ANGPT1: variants seen among roughly 807,000 people sequenced by gnomAD.
ANGPT1 encodes angiopoietin 1.
A neutral mutation model predicts 62.2 loss-of-function variants in ANGPT1; 17 were observed. The observed-to-expected ratio is 0.27, with a 90% CI of 0.19 to 0.41. The LOEUF (loss-of-function observed/expected upper bound fraction) is 0.41. Among genes scored for constraint, ANGPT1 ranks in the 10% least tolerant of loss-of-function variants. ANGPT1 has a pLI of 1.00. For missense variants in ANGPT1, 478 were observed against 594.9 expected (o/e 0.80, Z 2.04); for synonymous variants, 199 against 198.9 (o/e 1.00, Z 0.00).
intron 1 of ANGPT1, among the ~76,000 whole-genome samples, chr8:107,445,296 T>A (rs1586328326): frequency 1.3e-5 from 2 of 152,356 alleles, no homozygotes; most frequent in South Asian, 4.1e-4. Context: ...TAAATTTTAT[T>A]TCCAAAATCA....
At chr8:107,453,401 C>T (rs1436221690) in intron 1 of ANGPT1, among the ~76,000 whole-genome samples, 1 of 151,964 alleles carries the variant, frequency 6.6e-6, no homozygotes, top group East Asian at 1.9e-4. Context: ...CTGGGGAGGC[C>T]TCACAATTAT....
At chr8:107,313,644 T>A (rs1814938363) in intron 4 of ANGPT1, among the ~76,000 whole-genome samples, 2 of 151,230 alleles carry the variant, frequency 1.3e-5, no homozygotes, top group Non-Finnish European at 1.5e-5. Context: ...GGGATTTCAC[T>A]GTGTTAGCCA....
chr8:107,383,500 C>G (rs770588018), intron 1 of ANGPT1, among the ~76,000 whole-genome samples: 10 of 152,136 alleles, frequency 6.6e-5, no homozygotes, highest in Non-Finnish European at 1.3e-4. Context: ...ACATTTGTGG[C>G]AGCAAGTCAT....
At position 107,319,998 on chromosome 8, in the gene ANGPT1, A is replaced by G. The variant is rs532582550; in HGVS notation, c.808+1898T>C. ...TCAAGATTCATTTCAGAGTTTTGTCATTAAAAAGAAAAGATATCTAGAGGC... is the reference window on the plus strand; with the variant it reads ...TCAAGATTCATTTCAGAGTTTTGTCGTTAAAAAGAAAAGATATCTAGAGGC... On this transcript the variant is annotated intron_variant, in intron 4 of 8. Coordinates refer to ENST00000517746, the MANE Select transcript of ANGPT1 (RefSeq NM_001146.5). 9.2e-5 allele frequency among the ~76,000 whole-genome samples: 14 copies of G among 152,310 alleles called. No individual in the cohort carries two copies. In the East Asian group the frequency reaches 2.5e-3, roughly 27 times the overall value.
At chr8:107,480,576 T>C (rs1459212187) in intron 1 of ANGPT1, among the ~76,000 whole-genome samples, 1 of 152,232 alleles carries the variant, frequency 6.6e-6, no homozygotes, top group Non-Finnish European at 1.5e-5. Context: ...AATTTTTTCT[T>C]TGTTTATGCC....
intron 1 of ANGPT1, among the ~76,000 whole-genome samples, chr8:107,442,909 T>A (rs978924785): frequency 1.3e-5 from 2 of 152,192 alleles, no homozygotes; most frequent in African/African-American, 4.8e-5. Flanking sequence ...TCAGCTGCAC[T>A]TATATTTTTG....
chr8:107,478,303 C>T, intron 1 of ANGPT1, among the ~76,000 whole-genome samples: 1 of 150,782 alleles, frequency 6.6e-6, no homozygotes, highest in African/African-American at 2.4e-5. Flanking sequence ...AATCCCAGCA[C>T]TTTGGGAGGC....
chr8:107,293,624 AGG>A, intron 6 of ANGPT1, among the ~76,000 whole-genome samples: 1 of 152,278 alleles, frequency 6.6e-6, no homozygotes, highest in East Asian at 1.9e-4. Context: ...TCCCTTGGTC[AGG>A]CTCACGTATC....
intron 6 of ANGPT1, among the ~76,000 whole-genome samples, chr8:107,290,800 A>C (rs137889867): frequency 0.011 from 1,697 of 152,336 alleles, 20 homozygotes; most frequent in Middle Eastern, 0.02. Context: ...ACTCCATAAA[A>C]CATGATGATT....
chr8:107,339,529 C>G (rs1815649505), intron 2 of ANGPT1, among the ~76,000 whole-genome samples: 1 of 152,118 alleles, frequency 6.6e-6, no homozygotes, highest in South Asian at 2.1e-4. Flanking sequence ...TTCTGGCCAC[C>G]TTCTTTATAG....
intron 1 of ANGPT1, among the ~76,000 whole-genome samples, chr8:107,369,133 G>A (rs1816330203): frequency 6.6e-6 from 1 of 152,160 alleles, no homozygotes; most frequent in Non-Finnish European, 1.5e-5. Flanking sequence ...ACTATCATCA[G>A]TGATTTTATC....
intron 4 of ANGPT1, among the ~76,000 whole-genome samples, chr8:107,314,811 C>T (rs769978452): frequency 5.3e-5 from 8 of 152,130 alleles, no homozygotes; most frequent in South Asian, 2.1e-4. Flanking sequence ...ACCCAGTCAA[C>T]GAAACTGATA....
At position 107,366,884 on chromosome 8, in the gene ANGPT1, T is replaced by C. The variant is rs113854916; in HGVS notation, c.298-19787A>G. On this transcript the variant is annotated intron_variant, in intron 1 of 8. Coordinates refer to ENST00000517746, the MANE Select transcript of ANGPT1 (RefSeq NM_001146.5). ...TTTGCATTCTGTCTCTCTGGCTCTG[T>C]CTCTCGGGCTCTGTCTCTCTGATCA... 7.7e-3 allele frequency among the ~76,000 whole-genome samples: 1,175 copies of C among 152,276 alleles called. 20 individuals are homozygous for C. Among genetic ancestry groups the C allele is most frequent in the African/African-American group, 0.027 (1,106 of 41,554 alleles).
intron 1 of ANGPT1, among the ~76,000 whole-genome samples, chr8:107,411,748 G>A (rs1386516703): frequency 6.6e-6 from 1 of 152,140 alleles, no homozygotes; most frequent in East Asian, 1.9e-4. Flanking sequence ...TATTGGCTCA[G>A]ATCACTGGGA....
chr8:107,371,865 GTTTCCAACTTATTGCTC>G (rs898365399), intron 1 of ANGPT1, among the ~76,000 whole-genome samples: 6 of 152,076 alleles, frequency 3.9e-5, no homozygotes, highest in African/African-American at 1.4e-4. Context: ...TGAATGAATG[GTTTCCAACTTATTGCTC>G]TTCTGGCTGT....
chr8:107,477,602 TATC>T (rs984334419), intron 1 of ANGPT1, among the ~76,000 whole-genome samples: 2 of 152,190 alleles, frequency 1.3e-5, no homozygotes, highest in African/African-American at 4.8e-5. Context: ...ATTTCATACT[TATC>T]ATCTCACATA....
intron 1 of ANGPT1, among the ~76,000 whole-genome samples, chr8:107,419,093 C>G (rs1185578094): frequency 6.6e-6 from 1 of 152,094 alleles, no homozygotes; most frequent in East Asian, 1.9e-4. Flanking sequence ...CCCCTTCAGC[C>G]TGTCATGCAC....
rs765608644 is a variant in ANGPT1 at position 107,457,866 on chromosome 8, A to ACACC, written c.297+39395_297+39396insGGTG. On this transcript the variant is annotated intron_variant, in intron 1 of 8. Transcript: ENST00000517746. ...CACACACACACACACACACACACAC[A>ACACC]CCAAGAGGGGAAAAAAATACCTATG... Among the ~76,000 whole-genome samples the ACACC allele has an allele frequency of 8.6e-3, 998 of 116,040 alleles. 61 individuals are homozygous for ACACC. Among genetic ancestry groups the ACACC allele is most frequent in the Non-Finnish European group, 0.011 (597 of 54,904 alleles). 76.1% of individuals were successfully genotyped at this position (116,040 alleles called of 152,430 possible). A position where few individuals can be genotyped will look rare whatever the true frequency, so the allele number is the denominator to read the frequency against.
intron 2 of ANGPT1, among the ~76,000 whole-genome samples, chr8:107,344,743 A>G (rs1489312109): frequency 6.6e-6 from 1 of 152,336 alleles, no homozygotes. Flanking sequence ...AGCAACACTT[A>G]CCACTGTGAA....
Sources: gnomAD v4.1 joint callset for allele counts (sites outside exome capture counted in the v4.1 genomes callset) on GRCh38, gnomAD v4.1.1 for gene constraint, MANE v1.5 for transcripts, NCBI Gene and HGNC (gene_info 2026-07-23, HGNC 2026-07-21) for gene names.